The following IL1RAPL2 variants were observed in gnomAD, a reference collection of about 807,000 sequenced individuals.
The protein encoded by IL1RAPL2 is interleukin 1 receptor accessory protein like 2, also known as X-linked interleukin-1 receptor accessory protein-like 2.
In IL1RAPL2, 3 loss-of-function variants were observed where a neutral mutation model predicts 44.1. That is an observed-to-expected ratio of 0.07 (90% CI 0.03 to 0.18). The LOEUF (loss-of-function observed/expected upper bound fraction) is 0.18. Among genes scored for constraint, IL1RAPL2 ranks in the 10% least tolerant of loss-of-function variants. The pLI, the probability that IL1RAPL2 is intolerant of heterozygous loss-of-function variation, is 1.00. For synonymous variants in IL1RAPL2, 181 were observed against 178.8 expected (o/e 1.01, Z -0.10); for missense variants, 391 against 496.4 (o/e 0.79, Z 2.02).
intron 6 of IL1RAPL2, among the ~76,000 whole-genome samples, chrX:105,499,118 A>G (rs1177739980): frequency 9.0e-6 from 1 of 111,615 alleles, no homozygotes; most frequent in Non-Finnish European, 1.9e-5. Context: ...ATTGTCTTCC[A>G]CAAAACTGGT....
chrX:105,324,317 A>G (rs1391159249), intron 5 of IL1RAPL2, among the ~76,000 whole-genome samples: 1 of 111,562 alleles, frequency 9.0e-6, no homozygotes, highest in Non-Finnish European at 1.9e-5. Flanking sequence ...GATGTACTGC[A>G]CATTCTCCAT....
At chrX:104,681,497 A>T (rs1395627047) in intron 2 of IL1RAPL2, among the ~76,000 whole-genome samples, 1 of 112,468 alleles carries the variant, frequency 8.9e-6, no homozygotes, top group Admixed American at 9.4e-5. Context: ...GTTTAAAAGT[A>T]CTGCAATTAT....
intron 2 of IL1RAPL2, among the ~76,000 whole-genome samples, chrX:105,066,157 C>G (rs1381577475): frequency 1.8e-5 from 2 of 111,093 alleles, no homozygotes; most frequent in East Asian, 5.7e-4. Context: ...ATTTTCCTTT[C>G]TGTCCTCACT....
chrX:105,667,755 T>C (rs936731607), intron 6 of IL1RAPL2, among the ~76,000 whole-genome samples: 2 of 111,509 alleles, frequency 1.8e-5, no homozygotes, highest in Non-Finnish European at 1.9e-5. Context: ...CCGTAGAATA[T>C]TATTAATAAC....
At chrX:104,740,713 AATAATTTGATTT>A (rs920520821) in intron 2 of IL1RAPL2, among the ~76,000 whole-genome samples, 4 of 111,490 alleles carry the variant, frequency 3.6e-5, no homozygotes, top group Non-Finnish European at 7.6e-5. Flanking sequence ...ATCTAACTAT[AATAATTTGATTT>A]TTTTTATATA....
chrX:104,682,446 A>T (rs992639353), intron 2 of IL1RAPL2, among the ~76,000 whole-genome samples: 4 of 112,543 alleles, frequency 3.6e-5, no homozygotes, highest in Non-Finnish European at 1.9e-5. Context: ...ATATACAGCC[A>T]ATCAACAGAA....
chrX:104,858,941 T>G (rs2147646197), intron 2 of IL1RAPL2, among the ~76,000 whole-genome samples: 1 of 111,710 alleles, frequency 9.0e-6, no homozygotes, highest in African/African-American at 3.2e-5. Flanking sequence ...GCAAGTAAGA[T>G]CAGATATTAA....
chrX:104,890,551 A>G (rs1428684575), intron 2 of IL1RAPL2, among the ~76,000 whole-genome samples: 1 of 112,465 alleles, frequency 8.9e-6, no homozygotes, highest in Non-Finnish European at 1.9e-5. Flanking sequence ...ATGGCCAGTG[A>G]TGATGAGCAT....
At chrX:105,237,607 AT>A (rs1375884617) in intron 4 of IL1RAPL2, among the ~76,000 whole-genome samples, 1 of 111,724 alleles carries the variant, frequency 9.0e-6, no homozygotes, top group African/African-American at 3.3e-5. Context: ...GATGATGAGC[AT>A]TTTTTCATGT....
chrX:104,867,548 C>T (rs991133783), intron 2 of IL1RAPL2, among the ~76,000 whole-genome samples: 6 of 111,801 alleles, frequency 5.4e-5, no homozygotes, highest in African/African-American at 2.0e-4. Flanking sequence ...CACATGGCTA[C>T]AGAGGGTATG....
chrX:104,840,156 A>G (rs141931359), intron 2 of IL1RAPL2, among the ~76,000 whole-genome samples: 10 of 111,238 alleles, frequency 9.0e-5, no homozygotes, highest in Middle Eastern at 4.7e-3. Flanking sequence ...TTGTGATGTT[A>G]TGGTGTTGAT....
At position 105,687,868 on chromosome X, in the gene IL1RAPL2, T is replaced by A. The variant is rs367952785; in HGVS notation, c.773-29499T>A. 1.3e-4 allele frequency among the ~76,000 whole-genome samples: 14 copies of A among 111,287 alleles called. No individual in the cohort carries two copies. The East Asian group carries it at 3.7e-3, about 29-fold the overall frequency. On this transcript the variant is annotated intron_variant, in intron 6 of 10. Transcript: ENST00000372582. Reference sequence around the variant, plus strand: ...ATCCCGCAGCACATCAAAAAGCATATCCACCACAATGAAATAGGCCTCATC... The same window carrying A: ...ATCCCGCAGCACATCAAAAAGCATAACCACCACAATGAAATAGGCCTCATC...
At chrX:105,028,070 G>A (rs1031888091) in intron 2 of IL1RAPL2, among the ~76,000 whole-genome samples, 2 of 111,177 alleles carry the variant, frequency 1.8e-5, no homozygotes, top group Admixed American at 9.7e-5. Context: ...AGTAAAATAA[G>A]CCAGGCACAG....
intron 1 of IL1RAPL2, among the ~76,000 whole-genome samples, chrX:104,634,249 G>A (rs1183857597): frequency 9.0e-6 from 1 of 111,625 alleles, no homozygotes; most frequent in Non-Finnish European, 1.9e-5. Flanking sequence ...TTGCTGAGGA[G>A]TGGTTTACTT....
chrX:104,818,085 G>A (rs761213544), intron 2 of IL1RAPL2, among the ~76,000 whole-genome samples: 4 of 110,316 alleles, frequency 3.6e-5, no homozygotes, highest in African/African-American at 6.6e-5. Context: ...GGCCGTGCGC[G>A]GTGGCTCACA....
chrX:105,251,900 T>A lies in IL1RAPL2; in HGVS notation c.544-15488T>A, dbSNP rs376610157. Among the ~76,000 whole-genome samples, 12 of 111,394 alleles carry A rather than the reference T, an allele frequency of 1.1e-4. 2 individuals are homozygous for A. The highest frequency in any genetic ancestry group is 3.8e-4 in the Admixed American group (4 of 10,432). Reference sequence around the variant, plus strand: ...GCCAGAAATATAGTTACCTAAGACATCTCAGATTCTAATTTAAGGCTGAGG... The same window carrying A: ...GCCAGAAATATAGTTACCTAAGACAACTCAGATTCTAATTTAAGGCTGAGG... On this transcript the variant is annotated intron_variant, in intron 4 of 10. Coordinates refer to ENST00000372582, the MANE Select transcript of IL1RAPL2 (RefSeq NM_017416.2).
At chrX:104,676,780 T>C (rs1391610864) in intron 2 of IL1RAPL2, among the ~76,000 whole-genome samples, 1 of 111,848 alleles carries the variant, frequency 8.9e-6, no homozygotes, top group Non-Finnish European at 1.9e-5. Flanking sequence ...CCCATATTTC[T>C]TGGAGGCTTT....
At chrX:105,572,706 A>G (rs1179693764) in intron 6 of IL1RAPL2, among the ~76,000 whole-genome samples, 3 of 111,472 alleles carry the variant, frequency 2.7e-5, no homozygotes, top group East Asian at 2.8e-4. Context: ...ACATTCATCT[A>G]GTTTATGGAT....
Position 105,045,364 on chromosome X carries a change from G to T in IL1RAPL2, c.83-150111G>T, listed in dbSNP as rs149163606. ...AAGTCAGCAGGTACTACCTAATATT[G>T]AATTTTAAAAAATAACAGTGTAAGT... On this transcript the variant is annotated intron_variant, in intron 2 of 10. Transcript: ENST00000372582. Among the ~76,000 whole-genome samples, 175 of 111,565 alleles carry T rather than the reference G, an allele frequency of 1.6e-3. 2 individuals carry two copies. Among genetic ancestry groups the T allele is most frequent in the African/African-American group, 5.3e-3 (164 of 30,745 alleles).
Sources: allele counts gnomAD v4.1 joint callset (sites outside exome capture counted in the v4.1 genomes callset), GRCh38; gene constraint gnomAD v4.1.1; transcripts MANE v1.5; gene names NCBI Gene and HGNC (gene_info 2026-07-23, HGNC 2026-07-21).